GRM8: variants seen among roughly 807,000 people sequenced by gnomAD.
GRM8 encodes the protein metabotropic glutamate receptor 8.
A neutral mutation model predicts 87.2 loss-of-function variants in GRM8; 47 were observed. The observed-to-expected ratio is 0.54, with a 90% CI of 0.43 to 0.69. GRM8 has a LOEUF of 0.69. Ranked by LOEUF, GRM8 falls within the 30% of genes least tolerant of loss-of-function variation. The pLI, the probability that GRM8 is intolerant of heterozygous loss-of-function variation, is 0.00. For synonymous variants in GRM8, 396 were observed against 404.5 expected (o/e 0.98, Z 0.25); for missense variants, 1,019 against 1,139.2 (o/e 0.89, Z 1.52).
chr7:126,457,896 T>C (rs12334175), intron 9 of GRM8, among the ~76,000 whole-genome samples: 3,124 of 149,110 alleles, frequency 0.021, 105 homozygotes, highest in African/African-American at 0.073. Context: ...ACTCACAAGG[T>C]TGACCAAGAA....
At chr7:126,618,988 T>C (rs552212008) in intron 7 of GRM8, among the ~76,000 whole-genome samples, 22 of 152,292 alleles carry the variant, frequency 1.4e-4, no homozygotes, top group African/African-American at 5.1e-4. Flanking sequence ...GATCTAGAAC[T>C]AGAAACACCA....
chr7:127,048,932 A>G (rs963432872), intron 3 of GRM8, among the ~76,000 whole-genome samples: 1 of 152,306 alleles, frequency 6.6e-6, no homozygotes. Context: ...TTATGGATAA[A>G]AGCCCCTAAG....
chr7:127,027,066 T>C (rs2132267675), intron 3 of GRM8, among the ~76,000 whole-genome samples: 1 of 152,328 alleles, frequency 6.6e-6, no homozygotes. Flanking sequence ...TAGCCAGTTT[T>C]CCTAGCACCA....
intron 3 of GRM8, among the ~76,000 whole-genome samples, chr7:127,083,625 T>G (rs1823113514): frequency 6.7e-6 from 1 of 150,144 alleles, no homozygotes; most frequent in East Asian, 2.0e-4. Context: ...TAAGCCCCCA[T>G]ACTCCTTGCA....
chr7:126,970,727 C>T (rs1365285918), intron 3 of GRM8, among the ~76,000 whole-genome samples: 1 of 152,158 alleles, frequency 6.6e-6, no homozygotes, highest in Non-Finnish European at 1.5e-5. Context: ...AGCTTTCAGT[C>T]TGTCTCAGCT....
chr7:126,686,576 A>G (rs1248777519), intron 7 of GRM8, among the ~76,000 whole-genome samples: 1 of 152,128 alleles, frequency 6.6e-6, no homozygotes, highest in Non-Finnish European at 1.5e-5. Flanking sequence ...CTGTAGCCTC[A>G]CAGAGAGCCA....
chr7:126,740,937 C>T (rs527926476), intron 7 of GRM8, among the ~76,000 whole-genome samples: 1 of 152,230 alleles, frequency 6.6e-6, no homozygotes, highest in East Asian at 1.9e-4. Context: ...AATACATCTT[C>T]CTATCTAAAA....
At chr7:126,817,761 A>G (rs890690713) in intron 6 of GRM8, among the ~76,000 whole-genome samples, 5 of 152,172 alleles carry the variant, frequency 3.3e-5, no homozygotes, top group African/African-American at 4.8e-5. Flanking sequence ...CTGTTTTATG[A>G]GTCAATAACC....
chr7:126,884,054 C>A (rs1800259049), intron 6 of GRM8, among the ~76,000 whole-genome samples: 1 of 152,012 alleles, frequency 6.6e-6, no homozygotes, highest in South Asian at 2.1e-4. Flanking sequence ...CCTACAAATA[C>A]TAAAATTAGC....
intron 2 of GRM8, among the ~76,000 whole-genome samples, chr7:127,148,060 T>C (rs1828646274): frequency 6.6e-6 from 1 of 152,058 alleles, no homozygotes; most frequent in Non-Finnish European, 1.5e-5. Flanking sequence ...TCAGATTCTG[T>C]ATTTTAACAA....
chr7:126,753,113 T>C (rs2151548303), intron 7 of GRM8, among the ~76,000 whole-genome samples: 1 of 152,100 alleles, frequency 6.6e-6, no homozygotes, highest in Non-Finnish European at 1.5e-5. Flanking sequence ...TTTAGCTCCT[T>C]TGATACTTGG....
chr7:127,152,428 C>T (rs887997427), intron 2 of GRM8, among the ~76,000 whole-genome samples: 19 of 151,984 alleles, frequency 1.3e-4, no homozygotes, highest in African/African-American at 4.6e-4. Context: ...GAAAGAAATA[C>T]TAGATATGGT....
chr7:126,769,055 C>T (rs746757225), intron 7 of GRM8, among the ~76,000 whole-genome samples: 4 of 151,914 alleles, frequency 2.6e-5, no homozygotes, highest in Admixed American at 1.3e-4. Flanking sequence ...CAGTGCTGTG[C>T]GTGTCTCAAG....
intron 9 of GRM8, among the ~76,000 whole-genome samples, chr7:126,486,134 C>T (rs1232931875): frequency 6.6e-6 from 1 of 151,962 alleles, no homozygotes; most frequent in African/African-American, 2.4e-5. Flanking sequence ...CAAACCATAG[C>T]TACATAGCTC....
At chr7:126,952,997 T>G (rs914204295) in intron 3 of GRM8, among the ~76,000 whole-genome samples, 1 of 152,088 alleles carries the variant, frequency 6.6e-6, no homozygotes, top group Admixed American at 6.6e-5. Flanking sequence ...TTCTGATAAT[T>G]GCACTCCAGT....
At chr7:126,488,049 G>A (rs1329658195) in intron 9 of GRM8, among the ~76,000 whole-genome samples, 2 of 151,882 alleles carry the variant, frequency 1.3e-5, no homozygotes, top group African/African-American at 2.4e-5. Context: ...TTTCCTTGAA[G>A]CAACCATCAT....
chr7:126,694,768 G>A (rs776572143), intron 7 of GRM8, among the ~76,000 whole-genome samples: 2 of 152,156 alleles, frequency 1.3e-5, no homozygotes, highest in Non-Finnish European at 2.9e-5. Flanking sequence ...AATTATATTA[G>A]TCTAGGTCAG....
At chr7:126,821,105 C>A (rs1418128268) in intron 6 of GRM8, among the ~76,000 whole-genome samples, 1 of 152,174 alleles carries the variant, frequency 6.6e-6, no homozygotes, top group Non-Finnish European at 1.5e-5. Context: ...CTGTCTCAAT[C>A]TCCAACCAGT....
chr7:126,643,102 G>A (rs1229850267), intron 7 of GRM8, among the ~76,000 whole-genome samples: 3 of 150,986 alleles, frequency 2.0e-5, no homozygotes, highest in Non-Finnish European at 4.4e-5. Flanking sequence ...ACCAGCCTGG[G>A]CAACATGGCA....
Sources: gnomAD v4.1 joint callset for allele counts (sites outside exome capture counted in the v4.1 genomes callset) on GRCh38, gnomAD v4.1.1 for gene constraint, MANE v1.5 for transcripts, NCBI Gene and HGNC (gene_info 2026-07-23, HGNC 2026-07-21) for gene names.